ARMH3: variants seen among roughly 807,000 people sequenced by gnomAD.
ARMH3 encodes armadillo like helical domain containing 3.
A neutral mutation model predicts 99.1 loss-of-function variants in ARMH3; 60 were observed. That is an observed-to-expected ratio of 0.61 (90% CI 0.49 to 0.75). ARMH3 has a LOEUF of 0.75. ARMH3 is among the 30% of genes least tolerant of loss of function. The pLI is 0.00. For missense variants in ARMH3, 679 were observed against 843.1 expected (o/e 0.81, Z 2.41); for synonymous variants, 285 against 292.8 (o/e 0.97, Z 0.27).
chr10:101,986,609 T>C (rs1426688575), intron 19 of ARMH3, among the ~76,000 whole-genome samples: 1 of 152,226 alleles, frequency 6.6e-6, no homozygotes, highest in Non-Finnish European at 1.5e-5. Flanking sequence ...GATTATAAAC[T>C]TATCTGAAAT....
At chr10:102,006,826 C>T (rs1368156647) in intron 13 of ARMH3, among the ~76,000 whole-genome samples, 193 bp from the exon 14 acceptor site, 2 of 151,722 alleles carry the variant, frequency 1.3e-5, no homozygotes, top group African/African-American at 2.4e-5. Flanking sequence ...CTCCTGTGTA[C>T]GTAGGACTAC....
intron 18 of ARMH3, among the ~76,000 whole-genome samples, chr10:101,991,027 G>A (rs1246017138): frequency 6.6e-6 from 1 of 152,226 alleles, no homozygotes; most frequent in Admixed American, 6.5e-5. Flanking sequence ...AGCTATGTCA[G>A]TCAATCTCAT....
At chr10:101,925,818 G>A (rs1258236484) in intron 23 of ARMH3, among the ~76,000 whole-genome samples, 1 of 152,202 alleles carries the variant, frequency 6.6e-6, no homozygotes, top group Non-Finnish European at 1.5e-5. Flanking sequence ...GGCTGAGGCA[G>A]GGGAATTGCC....
intron 24 of ARMH3, among the ~76,000 whole-genome samples, chr10:101,854,792 C>T (rs1416591562): frequency 4.6e-5 from 7 of 152,002 alleles, no homozygotes; most frequent in Non-Finnish European, 1.0e-4. Flanking sequence ...CCTCAGTTTT[C>T]AGTATCTATA....
At chr10:101,945,734 A>G (rs1309696686) in intron 22 of ARMH3, among the ~76,000 whole-genome samples, 1 of 151,760 alleles carries the variant, frequency 6.6e-6, no homozygotes, top group Non-Finnish European at 1.5e-5. Context: ...AAAGAAAAAA[A>G]AAAATCCAGA....
At chr10:102,005,331 C>T (rs892329311) in intron 14 of ARMH3, among the ~76,000 whole-genome samples, 7 of 145,352 alleles carry the variant, frequency 4.8e-5, no homozygotes, top group African/African-American at 1.3e-4. Flanking sequence ...TGCAGTGAGC[C>T]GAGATCACAC....
chr10:102,049,305 G>A (rs2067633543), intron 1 of ARMH3, among the ~76,000 whole-genome samples: 1 of 152,176 alleles, frequency 6.6e-6, no homozygotes, highest in African/African-American at 2.4e-5. Flanking sequence ...ACTTTGGGAG[G>A]CTGAGGCGGG....
chr10:102,041,428 G>A (rs140353361), intron 1 of ARMH3, among the ~76,000 whole-genome samples: 97 of 152,020 alleles, frequency 6.4e-4, no homozygotes, highest in African/African-American at 2.2e-3. Context: ...AGACAAAACC[G>A]ACACAGCAGA....
intron 1 of ARMH3, among the ~76,000 whole-genome samples, chr10:102,042,826 A>G (rs901472882): frequency 1.3e-5 from 2 of 152,238 alleles, no homozygotes; most frequent in African/African-American, 2.4e-5. Context: ...TAATCGCAGC[A>G]CTTTGGGAGG....
rs58702573 is a variant in ARMH3, at chr10:101,914,344, C to T, written c.1782-24854G>A. On this transcript the variant is annotated intron_variant, in intron 23 of 25. Coordinates refer to ENST00000370033, the MANE Select transcript of ARMH3 (RefSeq NM_024541.3). Reference sequence around the variant, plus strand: ...TCTACTAAAAATACAAAAAGTTAGCCGGGCATGGTGGCGGGTACCTGTAAT... The same window carrying T: ...TCTACTAAAAATACAAAAAGTTAGCTGGGCATGGTGGCGGGTACCTGTAAT... Among the ~76,000 whole-genome samples the T allele has an allele frequency of 3.2e-3, 481 of 151,022 alleles. 2 individuals carry two copies. Among genetic ancestry groups the T allele is most frequent in the African/African-American group, 0.011 (461 of 41,116 alleles).
chr10:102,041,212 C>G (rs1201308163), intron 1 of ARMH3, among the ~76,000 whole-genome samples: 1 of 150,766 alleles, frequency 6.6e-6, no homozygotes, highest in Non-Finnish European at 1.5e-5. Flanking sequence ...TCTTGCTTCA[C>G]GGAATTCTCG....
At position 101,846,938 on chromosome 10, in the gene ARMH3, G is replaced by A. The variant is rs1230297981; in HGVS notation, c.*590C>T. The A allele has an allele frequency of 1.3e-5, 2 of 152,568 alleles. No individual in the cohort carries two copies. The highest frequency in any genetic ancestry group is 2.9e-5 in the Non-Finnish European group (2 of 68,342). The allele number at this position is 152,568 out of a possible 1,614,324, so 9.5% of individuals were successfully genotyped here. On this transcript the variant is annotated 3_prime_UTR_variant, in exon 26 of 26. Coordinates refer to ENST00000370033, the MANE Select transcript of ARMH3 (RefSeq NM_024541.3). ...ATCACGCCACTGCATTCCAGCCTGG[G>A]CGACAGAGTGAGACTCCGTCTCAGA...
intron 23 of ARMH3, among the ~76,000 whole-genome samples, chr10:101,909,744 G>A (rs1842790741): frequency 6.6e-6 from 1 of 151,928 alleles, no homozygotes; most frequent in Non-Finnish European, 1.5e-5. Context: ...ACAGGAGTGA[G>A]CCACTATGCC....
intron 20 of ARMH3, among the ~76,000 whole-genome samples, chr10:101,963,388 C>T (rs1845393577): frequency 6.6e-6 from 1 of 151,972 alleles, no homozygotes; most frequent in South Asian, 2.1e-4. Flanking sequence ...GCCTTGGACT[C>T]GGCCTCCCAA....
intron 2 of ARMH3, among the ~76,000 whole-genome samples, chr10:102,037,752 C>T (rs904195674): frequency 6.6e-6 from 1 of 151,954 alleles, no homozygotes; most frequent in South Asian, 2.1e-4. Flanking sequence ...TACCACTACA[C>T]CCACTTAATT....
At chr10:101,960,126 C>T (rs1212833575) in intron 20 of ARMH3, among the ~76,000 whole-genome samples, 1 of 151,868 alleles carries the variant, frequency 6.6e-6, no homozygotes, top group East Asian at 1.9e-4. Flanking sequence ...TGCAGTGAGC[C>T]GAGATCGCAC....
chr10:102,014,051 G>GT, intron 8 of ARMH3, 27 bp from the exon 9 acceptor site: 1 of 1,581,230 alleles, frequency 6.3e-7, no homozygotes, highest in Non-Finnish European at 8.6e-7. Context: ...GAGACTCCAG[G>GT]TAAGTCTGAC....
intron 24 of ARMH3, among the ~76,000 whole-genome samples, chr10:101,862,987 T>C (rs1025449467): frequency 6.6e-6 from 1 of 152,232 alleles, no homozygotes; most frequent in Admixed American, 6.5e-5. Flanking sequence ...GTGGATCACC[T>C]GAGGTCGGGA....
rs1434290587 is a variant in ARMH3, at chr10:102,009,986, A to AT, written c.868dup (p.Ile290AsnfsTer7). 1 of 1,614,000 alleles carries AT rather than the reference A, an allele frequency of 6.2e-7. No homozygotes were observed. The highest frequency in any genetic ancestry group is 8.5e-7 in the Non-Finnish European group (1 of 1,179,948). ...AATGTCAGGCACTTACTGTACTGAG[A>AT]TTTTCTCATGGGCATCTGCTATGAA... On this transcript the variant is annotated frameshift_variant, in exon 12 of 26. Transcript: ENST00000370033. LOFTEE classifies it high-confidence loss of function.
Sources: allele counts gnomAD v4.1 joint callset (sites outside exome capture counted in the v4.1 genomes callset), GRCh38; gene constraint gnomAD v4.1.1; transcripts MANE v1.5; gene names NCBI Gene and HGNC (gene_info 2026-07-23, HGNC 2026-07-21).